PZP: variants seen among roughly 807,000 people sequenced by gnomAD.
PZP encodes the protein PZP alpha-2-macroglobulin like, also known as pregnancy zone protein.
PZP carries 150 observed loss-of-function variants against 179.8 expected under a neutral mutation model. The observed-to-expected ratio is 0.83, with a 90% CI of 0.73 to 0.96. The LOEUF is 0.96. Ranked by LOEUF, PZP falls within the 40% of genes least tolerant of loss-of-function variation. The pLI, the probability that PZP is intolerant of heterozygous loss-of-function variation, is 0.00. For synonymous variants in PZP, 624 were observed against 652.3 expected (o/e 0.96, Z 0.66); for missense variants, 1,689 against 1,764.0 (o/e 0.96, Z 0.76).
Position 9,203,897 on chromosome 12 carries a change from GCCCTTCTT to G in PZP, c.130_137del (p.Lys44LeufsTer9), listed in dbSNP as rs1944317135. 6.2e-7 allele frequency: 1 copy of G among 1,614,012 alleles called. No homozygotes were observed. Among genetic ancestry groups the G allele is most frequent in the African/African-American group, 1.3e-5 (1 of 74,912 alleles). The stretch of plus-strand genomic sequence containing the variant: ...CATTCAGGTGGCTCAGAAGGACACA[GCCCTTCTT>G]AGGGGCCTCAGTGTGGAGCAGGGAG... On this transcript the variant is annotated frameshift_variant, in exon 2 of 36. Transcript: ENST00000261336. LOFTEE classifies it high-confidence loss of function.
rs1049472977 is a variant in PZP, at chr12:9,202,301, C to T, written c.480+18G>A. The T allele has an allele frequency of 1.3e-5, 21 of 1,606,224 alleles. No homozygotes were observed. Among genetic ancestry groups the T allele is most frequent in the Non-Finnish European group, 1.8e-5 (21 of 1,172,798 alleles). On this transcript the variant is annotated intron_variant, in intron 4 of 35. Transcript: ENST00000261336. The stretch of plus-strand genomic sequence containing the variant: ...CCCACTCTACCCACAACCCAAACCA[C>T]AGATAGTGGATGCTTACCAGTTCAT...
chr12:9,178,049 C>T (rs750773252), intron 15 of PZP, among the ~76,000 whole-genome samples: 23 of 152,220 alleles, frequency 1.5e-4, no homozygotes, highest in African/African-American at 4.6e-4. Flanking sequence ...ATAATTATTA[C>T]GCTATGAGGA....
intron 7 of PZP, among the ~76,000 whole-genome samples, chr12:9,199,169 G>A (rs1592561422): frequency 6.6e-6 from 1 of 152,150 alleles, no homozygotes; most frequent in Non-Finnish European, 1.5e-5. Flanking sequence ...CATCACTGCC[G>A]ATTCTGAGTC....
chr12:9,173,962 C>T (rs1032907556), intron 15 of PZP, among the ~76,000 whole-genome samples: 1 of 152,170 alleles, frequency 6.6e-6, no homozygotes, highest in Non-Finnish European at 1.5e-5. Context: ...AGGGACTCCT[C>T]GCTAACTCAT....
chr12:9,200,787 C>G (rs914005847), intron 6 of PZP, 105 bp downstream of exon 6: 1 of 1,203,612 alleles, frequency 8.3e-7, no homozygotes, highest in Non-Finnish European at 1.2e-6. Context: ...GTAAGTCTGA[C>G]TCTACTGCAA....
intron 15 of PZP, among the ~76,000 whole-genome samples, chr12:9,176,868 G>A (rs1732905918): frequency 6.6e-6 from 1 of 152,154 alleles, no homozygotes; most frequent in African/African-American, 2.4e-5. Flanking sequence ...CAATGTCTTT[G>A]TATCTAGAGG....
At chr12:9,167,941 T>C (rs1010359236) in intron 17 of PZP, among the ~76,000 whole-genome samples, 3 of 152,182 alleles carry the variant, frequency 2.0e-5, no homozygotes, top group African/African-American at 4.8e-5. Context: ...ATTTACCATT[T>C]TTGAGAAATT....
intron 31 of PZP, 72 bp from the exon 32 acceptor site, chr12:9,152,382 C>T: frequency 2.8e-6 from 3 of 1,081,928 alleles, no homozygotes; most frequent in Non-Finnish European, 2.9e-6. Flanking sequence ...TTTCAAGCAT[C>T]ACTTTAAGCC....
chr12:9,196,883 C>T (rs1281737075), intron 8 of PZP, 129 bp downstream of exon 8: 5 of 820,426 alleles, frequency 6.1e-6, no homozygotes, highest in African/African-American at 1.7e-5. Context: ...TGACTAAGAA[C>T]AGAAATTCGT....
In PZP at chr12:9,170,782, GT is replaced by G. The variant is rs1941940446; in HGVS notation, c.1840-1192del. Among the ~76,000 whole-genome samples, 1 of 152,216 alleles carries G rather than the reference GT, an allele frequency of 6.6e-6. No homozygotes were observed. Among genetic ancestry groups the G allele is most frequent in the Admixed American group, 6.5e-5 (1 of 15,284 alleles). Reference sequence around the variant, plus strand: ...ACCCTGATCCATTCCTCCTCATCGAGTGGGACCTTTCTGTGGGGGCTTCAGG... The same window carrying G: ...ACCCTGATCCATTCCTCCTCATCGAGGGGACCTTTCTGTGGGGGCTTCAGG... On this transcript the variant is annotated intron_variant, in intron 15 of 35. Coordinates refer to ENST00000261336, the MANE Select transcript of PZP (RefSeq NM_002864.3). The surrounding 1 kb of genome is among the most constrained non-coding windows in gnomAD (Gnocchi z 4.6).
At chr12:9,160,051 C>T (rs774211543) in intron 24 of PZP, 26 bp from the exon 25 acceptor site, 13 of 1,589,012 alleles carry the variant, frequency 8.2e-6, no homozygotes, top group Non-Finnish European at 1.1e-5. Context: ...TCAGATTGTT[C>T]ATGAAGCATT....
intron 1 of PZP, among the ~76,000 whole-genome samples, chr12:9,207,563 C>T (rs1331856724): frequency 2.0e-5 from 3 of 152,162 alleles, no homozygotes; most frequent in Non-Finnish European, 4.4e-5. Flanking sequence ...CTGTTGGGTC[C>T]TGAACACACA....
At chr12:9,140,639 T>C in the PZP span, among the ~76,000 whole-genome samples, 116 of 152,232 alleles carry the variant, frequency 7.6e-4, no homozygotes, top group Non-Finnish European at 1.5e-3. Flanking sequence ...GAATCTGAGA[T>C]AAGGCCTTTT....
chr12:9,157,699 C>T (rs1176111762), intron 27 of PZP, 68 bp downstream of exon 27: 11 of 1,368,798 alleles, frequency 8.0e-6, no homozygotes, highest in South Asian at 1.2e-5. Context: ...CAACCCTTAG[C>T]AGGGTGGCAT....
chr12:9,189,897 A>G (rs2121078087), intron 13 of PZP, among the ~76,000 whole-genome samples: 1 of 152,356 alleles, frequency 6.6e-6, no homozygotes, highest in South Asian at 2.1e-4. Context: ...AAAAAAGCTC[A>G]ATACTACTGA....
In PZP at chr12:9,197,186, T is replaced by TC. The variant is rs1943827834; in HGVS notation, c.756-64dup. 20 of 1,069,560 alleles carry TC rather than the reference T, an allele frequency of 1.9e-5. No homozygotes were observed. The Middle Eastern group carries it at 6.4e-4, about 34-fold the overall frequency. 66.3% of individuals were successfully genotyped at this position (1,069,560 alleles called of 1,614,324 possible). ...TGTTTGCATTTTCCACTACCACTCC[T>TC]CCACAGAACTGTCCCTCTTTAGAGT... is the stretch of plus-strand genomic sequence containing the variant. On this transcript the variant is annotated intron_variant, in intron 7 of 35. Transcript: ENST00000261336.
intron 13 of PZP, among the ~76,000 whole-genome samples, chr12:9,191,256 A>G (rs928678019): frequency 2.0e-5 from 3 of 152,174 alleles, no homozygotes; most frequent in African/African-American, 7.2e-5. Flanking sequence ...AATGTGATAC[A>G]TAGACCAGTA....
Position 9,160,332 on chromosome 12 carries a change from C to G in PZP, c.3031G>C (p.Val1011Leu), listed in dbSNP as rs539780334. The stretch of plus-strand genomic sequence containing the variant: ...CACTTACCAGTGATGAGATAGCCAA[C>G]GGCCTTGGCCTTGATCTCCTGCGTC... The part of the protein sequence containing the change: ...QLTQEIKAKA[V>L]GYLITGYQRQ... Residue 1011 changes from valine (V) to leucine (L), a missense_variant, in exon 24 of 36, where the codon GTT becomes CTT. Physicochemically the swap from Val to Leu is conservative, Grantham distance 32. Around this residue, in one of 3 missense-constraint regions of PZP, gnomAD observed 746 missense variants for 749.2 expected, o/e 1.00. Transcript: ENST00000261336. 3 of 1,611,612 alleles carry G rather than the reference C, an allele frequency of 1.9e-6. No homozygotes were observed. Among genetic ancestry groups the G allele is most frequent in the South Asian group, 2.2e-5 (2 of 90,310 alleles).
intron 10 of PZP, among the ~76,000 whole-genome samples, chr12:9,194,947 T>C (rs1048843316): frequency 2.0e-5 from 3 of 152,172 alleles, no homozygotes; most frequent in Admixed American, 2.0e-4. Flanking sequence ...GTTTTCCACC[T>C]TCATTAAAAG....
Sources: allele counts gnomAD v4.1 joint callset (sites outside exome capture counted in the v4.1 genomes callset), GRCh38; gene constraint gnomAD v4.1.1; regional missense constraint gnomAD v4.1.1; non-coding constraint Gnocchi (gnomAD v3.1); transcripts MANE v1.5; gene names NCBI Gene and HGNC (gene_info 2026-07-23, HGNC 2026-07-21).